RBM15B: variants seen among roughly 807,000 people sequenced by gnomAD.
RBM15B encodes the protein RNA binding motif protein 15B, also known as putative RNA-binding protein 15B.
In RBM15B, 11 loss-of-function variants were observed where a neutral mutation model predicts 53.3. The observed-to-expected ratio is 0.21, with a 90% CI of 0.13 to 0.34. The LOEUF (loss-of-function observed/expected upper bound fraction) is 0.34, where lower values mean the gene tolerates loss of function less well. Ranked by LOEUF, RBM15B falls within the 10% of genes least tolerant of loss-of-function variation. RBM15B has a pLI of 1.00. For missense variants in RBM15B, 1,136 were observed against 1,250.3 expected, an observed-to-expected ratio of 0.91 and a Z score of 1.38; for synonymous variants, 631 against 540.7, an observed-to-expected ratio of 1.17 and a Z score of -2.32.
chr3:51,391,767 G>T lies in RBM15B; in HGVS notation c.368G>T (p.Gly123Val). ...CTGCCGCCGCCTCCGCCACCGCCTG[G>T]GGCCGAGCCCGCGTGTCCCGGCTCA... is the stretch of plus-strand genomic sequence containing the variant. ...SPLPPPPPPP[G>V]AEPACPGSSA... Residue 123 changes from glycine (G) to valine (V), a missense_variant, in exon 1 of 1, where the codon GGG becomes GTG. Physicochemically the swap from Gly to Val is moderately radical, Grantham distance 109. This residue lies in a region of RBM15B where 257 missense variants were observed against 261.1 expected (regional missense o/e 0.98). Transcript: ENST00000563281. This position sits in a 1 kb window ranked among gnomAD's most constrained non-coding sequence, Gnocchi z 4.5. 1 of 1,578,030 alleles carries T rather than the reference G, an allele frequency of 6.3e-7. No homozygotes were observed. The highest frequency in any genetic ancestry group is 8.5e-7 in the Non-Finnish European group (1 of 1,171,332).
chr3:51,392,217 C>G lies in RBM15B; in HGVS notation c.818C>G (p.Pro273Arg). The change falls in exon 1 of 1, where the codon CCC becomes CGC. Residue 273 changes from proline to arginine, a missense_variant. Physicochemically the swap from Pro to Arg is moderately radical, Grantham distance 103 (BLOSUM62 -2). Coordinates refer to ENST00000563281, the MANE Select transcript of RBM15B (RefSeq NM_013286.5). The surrounding 1 kb of genome is among the most constrained non-coding windows in gnomAD (Gnocchi z 7.5). ...QRSLSPVAAP[P>R]LREPRARHAA... ...TCGCTGTCCCCCGTCGCTGCCCCGC[C>G]CCTGCGGGAGCCCCGTGCCCGTCAC... The G allele has an allele frequency of 2.6e-6, 4 of 1,555,354 alleles. No individual in the cohort carries two copies. Among genetic ancestry groups the G allele is most frequent in the Non-Finnish European group, 3.5e-6 (4 of 1,155,110 alleles).
Position 51,393,649 on chromosome 3 carries a change from C to G in RBM15B, c.2250C>G (p.Leu750=). 6.2e-7 allele frequency: 1 copy of G among 1,612,920 alleles called. No homozygotes were observed. The highest frequency in any genetic ancestry group is 8.5e-7 in the Non-Finnish European group (1 of 1,179,368). ...LEGDQGVISS[L]LKDHTSGSKL... ...GGGACCAGGGGGTGATCAGCAGTCT[C>G]CTCAAAGACCACACTTCTGGGAGCA... Residue 750 remains leucine, a synonymous_variant, in exon 1 of 1, where the codon CTC becomes CTG. Coordinates refer to ENST00000563281, the MANE Select transcript of RBM15B (RefSeq NM_013286.5). This position sits in a 1 kb window ranked among gnomAD's most constrained non-coding sequence, Gnocchi z 5.6.
rs1553623428 is a variant in RBM15B at position 51,397,506 on chromosome 3, A to ACTT, written c.*3436_*3438dup. The ACTT allele has an allele frequency of 6.0e-6, 1 of 167,002 alleles. No homozygotes were observed. Among genetic ancestry groups the ACTT allele is most frequent in the East Asian group, 1.9e-4 (1 of 5,196 alleles). The allele number at this position is 167,002 out of a possible 1,614,324, so 10.3% of individuals were successfully genotyped here. A position where few individuals can be genotyped will look rare whatever the true frequency, so the allele number is the denominator to read the frequency against. On this transcript the variant is annotated 3_prime_UTR_variant, in exon 1 of 1. Transcript: ENST00000563281. ...AGCTTTGCCAACTCCATCCTCCAAA[A>ACTT]CTTCCCAGAATACCTCCCTTTCCAG...
rs782288940 is a variant in RBM15B, at chr3:51,393,024, A to G, written c.1625A>G (p.Asp542Gly). The part of the protein sequence containing the change: ...TPPHLLYSDR[D>G]RTFLEGDWTS... ...CCACACCTTCTGTACTCAGACCGAGACCGGACTTTTTTGGAAGGGGACTGG... is the reference window on the plus strand; with the variant it reads ...CCACACCTTCTGTACTCAGACCGAGGCCGGACTTTTTTGGAAGGGGACTGG... The change falls in exon 1 of 1, where the codon GAC (aspartate) becomes GGC (glycine). Residue 542 changes from aspartate (D) to glycine (G), a missense_variant. By Grantham distance (94) the Asp-to-Gly change is moderately conservative. This residue lies in a region of RBM15B where 578 missense variants were observed against 581.6 expected (regional missense o/e 0.99). Transcript: ENST00000563281. This position sits in a 1 kb window ranked among gnomAD's most constrained non-coding sequence, Gnocchi z 5.6. 6.2e-7 allele frequency: 1 copy of G among 1,613,692 alleles called. No homozygotes were observed.
At position 51,394,157 on chromosome 3, in the gene RBM15B, G is replaced by C. The variant is rs1364903781; in HGVS notation, c.*85G>C. The stretch of plus-strand genomic sequence containing the variant: ...GATCCCCTCTCTACCCTACCACTTT[G>C]GTTTGAATTATCTCCTGGGTTATTT... On this transcript the variant is annotated 3_prime_UTR_variant, in exon 1 of 1. Coordinates refer to ENST00000563281, the MANE Select transcript of RBM15B (RefSeq NM_013286.5). 2.3e-6 allele frequency: 3 copies of C among 1,304,586 alleles called. No individual in the cohort carries two copies. The South Asian group carries it at 9.5e-5, about 41-fold the overall frequency. 80.8% of individuals were successfully genotyped at this position (1,304,586 alleles called of 1,614,324 possible).
In RBM15B at chr3:51,395,415, C is replaced by T. The variant is rs2089141878; in HGVS notation, c.*1343C>T. 1 of 180,746 alleles carries T rather than the reference C, an allele frequency of 5.5e-6. No individual in the cohort carries two copies. Among genetic ancestry groups the T allele is most frequent in the Admixed American group, 6.4e-5 (1 of 15,642 alleles). 11.2% of individuals were successfully genotyped at this position (180,746 alleles called of 1,614,324 possible). On this transcript the variant is annotated 3_prime_UTR_variant, in exon 1 of 1. Coordinates refer to ENST00000563281, the MANE Select transcript of RBM15B (RefSeq NM_013286.5). The stretch of plus-strand genomic sequence containing the variant: ...TCTAGCTGGGAAGAAGGGTGAGATT[C>T]CGTCTTCTTCCCTGTCTCAAGTAAG...
chr3:51,392,975 G>T lies in RBM15B; in HGVS notation c.1576G>T (p.Asp526Tyr). The T allele has an allele frequency of 6.2e-7, 1 of 1,613,756 alleles. No homozygotes were observed. The highest frequency in any genetic ancestry group is 1.1e-5 in the South Asian group (1 of 91,074). ...GYTRHRNLDA[D>Y]LVRDRTPPHL... is the part of the protein sequence containing the mutation. ...CACCCGGCACCGCAACCTGGACGCC[G>T]ACCTGGTGCGGGACAGGACGCCCCC... is the stretch of plus-strand genomic sequence containing the variant. The change falls in exon 1 of 1, where the codon GAC becomes TAC. Residue 526 changes from aspartate to tyrosine, a missense_variant. Physicochemically the swap from Asp to Tyr is radical, Grantham distance 160. This residue lies in a region of RBM15B where 578 missense variants were observed against 581.6 expected (regional missense o/e 0.99). Transcript: ENST00000563281. The surrounding 1 kb of genome is among the most constrained non-coding windows in gnomAD (Gnocchi z 7.5).
At position 51,391,804 on chromosome 3, in the gene RBM15B, G is replaced by T; in HGVS notation, c.405G>T (p.Ala135=). The T allele has an allele frequency of 6.3e-7, 1 of 1,594,224 alleles. No individual in the cohort carries two copies. Among genetic ancestry groups the T allele is most frequent in the South Asian group, 1.1e-5 (1 of 90,542 alleles). The change falls in exon 1 of 1, where the codon GCG becomes GCT. Residue 135 remains alanine (A), a synonymous_variant. Transcript: ENST00000563281. The surrounding 1 kb of genome is among the most constrained non-coding windows in gnomAD (Gnocchi z 4.5). The part of the protein sequence containing the change: ...EPACPGSSAA[A]PEYKTLLISS... Reference sequence around the variant, plus strand: ...CGTGTCCCGGCTCATCCGCGGCCGCGCCTGAGTACAAGACGTTGCTCATCA... The same window carrying T: ...CGTGTCCCGGCTCATCCGCGGCCGCTCCTGAGTACAAGACGTTGCTCATCA...
rs1433050553 is a variant in RBM15B at position 51,395,838 on chromosome 3, G to C, written c.*1766G>C. 2.4e-6 allele frequency: 1 copy of C among 413,420 alleles called. No homozygotes were observed. The highest frequency in any genetic ancestry group is 4.4e-6 in the Non-Finnish European group (1 of 226,170). The allele number at this position is 413,420 out of a possible 1,614,324, so 25.6% of individuals were successfully genotyped here. A position where few individuals can be genotyped will look rare whatever the true frequency, so the allele number is the denominator to read the frequency against. ...GGACAGGTGCCTCGCAAGAGAGCAA[G>C]CACGTTCATAACAAAACAGCAACAC... On this transcript the variant is annotated 3_prime_UTR_variant, in exon 1 of 1. Transcript: ENST00000563281.
At position 51,393,829 on chromosome 3, in the gene RBM15B, C is replaced by T. The variant is rs376487413; in HGVS notation, c.2430C>T (p.Pro810=). 12 of 1,609,720 alleles carry T rather than the reference C, an allele frequency of 7.5e-6. No individual in the cohort carries two copies. Among genetic ancestry groups the T allele is most frequent in the Admixed American group, 6.8e-5 (4 of 59,050 alleles). The stretch of plus-strand genomic sequence containing the variant: ...GTGGGCTTGGCACTGAGGGGATGCC[C>T]ACAGTAGAGCCCGGTCTGCAGAGGC... ...TPSGLGTEGM[P]TVEPGLQRRL... The change falls in exon 1 of 1, where the codon CCC becomes CCT. Residue 810 remains proline, a synonymous_variant. Coordinates refer to ENST00000563281, the MANE Select transcript of RBM15B (RefSeq NM_013286.5). This position sits in a 1 kb window ranked among gnomAD's most constrained non-coding sequence, Gnocchi z 5.6.
chr3:51,392,592 C>T lies in RBM15B; in HGVS notation c.1193C>T (p.Ser398Leu), dbSNP rs1456835370. Reference protein sequence around the residue: ...DMAHRAKVAMSGRVIGRNPIK... With the variant: ...DMAHRAKVAMLGRVIGRNPIK... ...GCCCATAGGGCTAAGGTGGCCATGT[C>T]GGGCCGAGTGATTGGTCGCAACCCC... The change falls in exon 1 of 1, where the codon TCG (serine) becomes TTG (leucine). Residue 398 changes from serine to leucine, a missense_variant. Ser to Leu is a moderately radical substitution (Grantham distance 145, BLOSUM62 -2). Coordinates refer to ENST00000563281, the MANE Select transcript of RBM15B (RefSeq NM_013286.5). The surrounding 1 kb of genome is among the most constrained non-coding windows in gnomAD (Gnocchi z 7.5). 5 of 1,613,872 alleles carry T rather than the reference C, an allele frequency of 3.1e-6. No individual in the cohort carries two copies. The highest frequency in any genetic ancestry group is 4.2e-6 in the Non-Finnish European group (5 of 1,180,038).
rs1288232464 is a variant in RBM15B at position 51,393,642 on chromosome 3, G to A, written c.2243G>A (p.Ser748Asn). ...CTAGAGGGGGACCAGGGGGTGATCA[G>A]CAGTCTCCTCAAAGACCACACTTCT... ...HILEGDQGVI[S>N]SLLKDHTSGS... The change falls in exon 1 of 1, where the codon AGC (serine) becomes AAC (asparagine). Residue 748 changes from serine to asparagine, a missense_variant. This residue lies in a region of RBM15B where 578 missense variants were observed against 581.6 expected (regional missense o/e 0.99). Transcript: ENST00000563281. The surrounding 1 kb of genome is among the most constrained non-coding windows in gnomAD (Gnocchi z 5.6). 1 of 1,613,120 alleles carries A rather than the reference G, an allele frequency of 6.2e-7. No homozygotes were observed.
Position 51,391,708 on chromosome 3 carries a change from G to A in RBM15B, c.309G>A (p.Pro103=). The A allele has an allele frequency of 2.9e-6, 4 of 1,372,410 alleles. No individual in the cohort carries two copies. Among genetic ancestry groups the A allele is most frequent in the Non-Finnish European group, 3.7e-6 (4 of 1,070,302 alleles). The allele number at this position is 1,372,410 out of a possible 1,614,324, so 85.0% of individuals were successfully genotyped here. A position where few individuals can be genotyped will look rare whatever the true frequency, so the allele number is the denominator to read the frequency against. Residue 103 remains proline (P), a synonymous_variant, in exon 1 of 1, where the codon CCG becomes CCA. Transcript: ENST00000563281. The surrounding 1 kb of genome is among the most constrained non-coding windows in gnomAD (Gnocchi z 4.5). ...GCGGCGGCAAGGCCTCGGGGGACCC[G>A]GGCGCCTCCGGCATGTCGCCCCGCG... is the stretch of plus-strand genomic sequence containing the variant. ...GGRGGKASGD[P]GASGMSPRAS...
rs1301102370 is a variant in RBM15B at position 51,393,220 on chromosome 3, C to G, written c.1821C>G (p.Thr607=). 3 of 1,613,692 alleles carry G rather than the reference C, an allele frequency of 1.9e-6. No homozygotes were observed. Among genetic ancestry groups the G allele is most frequent in the Non-Finnish European group, 1.7e-6 (2 of 1,179,838 alleles). The change falls in exon 1 of 1, where the codon ACC becomes ACG. Residue 607 remains threonine (T), a synonymous_variant. Transcript: ENST00000563281. This position sits in a 1 kb window ranked among gnomAD's most constrained non-coding sequence, Gnocchi z 5.6. ...TTTCCAGTGACCGTGGGAGGACAAC[C>G]CATTCACCATATGAGGAACGGAGTA... is the stretch of plus-strand genomic sequence containing the variant. ...RSLSSDRGRT[T]HSPYEERSRT... is the part of the protein sequence containing the mutation.
Position 51,393,338 on chromosome 3 carries a change from G to A in RBM15B, c.1939G>A (p.Glu647Lys). 6.2e-7 allele frequency: 1 copy of A among 1,611,774 alleles called. No individual in the cohort carries two copies. The highest frequency in any genetic ancestry group is 8.5e-7 in the Non-Finnish European group (1 of 1,179,098). Residue 647 changes from glutamate (E) to lysine (K), a missense_variant, in exon 1 of 1, where the codon GAG (glutamate) becomes AAG (lysine). Around this residue, in one of 7 missense-constraint regions of RBM15B, gnomAD observed 578 missense variants for 581.6 expected, o/e 0.99. Transcript: ENST00000563281. This position sits in a 1 kb window ranked among gnomAD's most constrained non-coding sequence, Gnocchi z 5.6. ...KENHSSEGTKESSSNSLSNSR... is the reference protein window; with the variant it reads ...KENHSSEGTKKSSSNSLSNSR... ...GAACCACTCCAGTGAAGGGACCAAGGAGTCCAGCAGCAACTCCCTCAGCAA... is the reference window on the plus strand; with the variant it reads ...GAACCACTCCAGTGAAGGGACCAAGAAGTCCAGCAGCAACTCCCTCAGCAA...
rs782037286 is a variant in RBM15B at position 51,393,057 on chromosome 3, C to G, written c.1658C>G (p.Pro553Arg). 1 of 1,613,808 alleles carries G rather than the reference C, an allele frequency of 6.2e-7. No homozygotes were observed. The highest frequency in any genetic ancestry group is 8.5e-7 in the Non-Finnish European group (1 of 1,179,934). Residue 553 changes from proline (P) to arginine (R), a missense_variant, in exon 1 of 1, where the codon CCC becomes CGC. Transcript: ENST00000563281. The surrounding 1 kb of genome is among the most constrained non-coding windows in gnomAD (Gnocchi z 5.6). ...TTTTTGGAAGGGGACTGGACCAGCCCCAGTAAAAGCTCTGACCGCCGAAAC... is the reference window on the plus strand; with the variant it reads ...TTTTTGGAAGGGGACTGGACCAGCCGCAGTAAAAGCTCTGACCGCCGAAAC... ...RTFLEGDWTS[P>R]SKSSDRRNSL...
rs1467729219 is a variant in RBM15B, at chr3:51,396,386, C to CTT, written c.*2316_*2317dup. On this transcript the variant is annotated 3_prime_UTR_variant, in exon 1 of 1. Transcript: ENST00000563281. ...TTCCTGGCCCTCAACCACTTCCTTC[C>CTT]TTTGGCTCTTAAGACCTAGCAGGTT... The CTT allele has an allele frequency of 6.0e-6, 1 of 167,714 alleles. No individual in the cohort carries two copies. Among genetic ancestry groups the CTT allele is most frequent in the East Asian group, 1.9e-4 (1 of 5,222 alleles). The allele number at this position is 167,714 out of a possible 1,614,324, so 10.4% of individuals were successfully genotyped here.
At position 51,394,153 on chromosome 3, in the gene RBM15B, C is replaced by T. The variant is rs373966494; in HGVS notation, c.*81C>T. 7.6e-7 allele frequency: 1 copy of T among 1,311,466 alleles called. No individual in the cohort carries two copies. The allele number at this position is 1,311,466 out of a possible 1,614,324, so 81.2% of individuals were successfully genotyped here. On this transcript the variant is annotated 3_prime_UTR_variant, in exon 1 of 1. Transcript: ENST00000563281. ...ATCTGATCCCCTCTCTACCCTACCA[C>T]TTTGGTTTGAATTATCTCCTGGGTT...
Position 51,392,984 on chromosome 3 carries a change from C to G in RBM15B, c.1585C>G (p.Arg529Gly), listed in dbSNP as rs1417243615. ...CCGCAACCTGGACGCCGACCTGGTGCGGGACAGGACGCCCCCACACCTTCT... is the reference window on the plus strand; with the variant it reads ...CCGCAACCTGGACGCCGACCTGGTGGGGGACAGGACGCCCCCACACCTTCT... ...RHRNLDADLV[R>G]DRTPPHLLYS... is the part of the protein sequence containing the mutation. Residue 529 changes from arginine to glycine, a missense_variant, in exon 1 of 1, where the codon CGG (arginine) becomes GGG (glycine). Transcript: ENST00000563281. This position sits in a 1 kb window ranked among gnomAD's most constrained non-coding sequence, Gnocchi z 7.5. 6.2e-7 allele frequency: 1 copy of G among 1,613,610 alleles called. No homozygotes were observed. Among genetic ancestry groups the G allele is most frequent in the Non-Finnish European group, 8.5e-7 (1 of 1,179,868 alleles).
Sources: allele counts gnomAD v4.1 joint callset, GRCh38; gene constraint gnomAD v4.1.1; regional missense constraint gnomAD v4.1.1; non-coding constraint Gnocchi (gnomAD v3.1); transcripts MANE v1.5; gene names NCBI Gene and HGNC (gene_info 2026-07-23, HGNC 2026-07-21).